DENND1A: variants seen among roughly 807,000 people sequenced by gnomAD.
DENND1A encodes the protein DENN domain-containing protein 1A.
A neutral mutation model predicts 113.7 loss-of-function variants in DENND1A; 51 were observed. That is an observed-to-expected ratio of 0.45 (90% CI 0.36 to 0.57). The LOEUF is 0.57. DENND1A is among the 20% of genes least tolerant of loss of function. The probability of loss-of-function intolerance (pLI) is 0.00; values close to 1 mark genes in which losing one functional copy is unlikely to be tolerated. For missense variants in DENND1A, 1,258 were observed against 1,395.9 expected (o/e 0.90, Z 1.57); for synonymous variants, 565 against 570.8 (o/e 0.99, Z 0.14).
chr9:123,553,253 A>AAAT (rs1375162785), intron 13 of DENND1A, among the ~76,000 whole-genome samples: 3 of 152,104 alleles, frequency 2.0e-5, no homozygotes, highest in Non-Finnish European at 4.4e-5. Flanking sequence ...CCCCGTCTCA[A>AAAT]AATAATAATA....
At chr9:123,797,346 C>T (rs1270086312) in intron 2 of DENND1A, among the ~76,000 whole-genome samples, 1 of 152,146 alleles carries the variant, frequency 6.6e-6, no homozygotes, top group Non-Finnish European at 1.5e-5. Context: ...TAACAGTCCA[C>T]TACACTGCTC....
intron 13 of DENND1A, among the ~76,000 whole-genome samples, chr9:123,529,250 TAATA>T (rs1192580341): frequency 6.6e-6 from 1 of 152,160 alleles, no homozygotes; most frequent in East Asian, 1.9e-4. Flanking sequence ...TTGAGACAAG[TAATA>T]GATACATTAA....
intron 10 of DENND1A, among the ~76,000 whole-genome samples, chr9:123,620,113 C>G (rs1242687766): frequency 1.4e-5 from 2 of 145,660 alleles, no homozygotes; most frequent in Non-Finnish European, 3.0e-5. Flanking sequence ...ACTTGGGAGG[C>G]TGAGGCAGAA....
chr9:123,458,087 G>A (rs1486373728), intron 13 of DENND1A, among the ~76,000 whole-genome samples, 190 bp from the exon 14 acceptor site: 2 of 145,890 alleles, frequency 1.4e-5, no homozygotes, highest in African/African-American at 5.1e-5. Context: ...TGCAACCTCT[G>A]CCTCCCGAGT....
chr9:123,784,926 A>T (rs573301566), intron 3 of DENND1A, among the ~76,000 whole-genome samples: 1 of 152,298 alleles, frequency 6.6e-6, no homozygotes, highest in South Asian at 2.1e-4. Flanking sequence ...AGTTTGGCTA[A>T]ATGTTTAAGG....
At chr9:123,501,835 C>T (rs1330560498) in intron 13 of DENND1A, among the ~76,000 whole-genome samples, 6 of 152,214 alleles carry the variant, frequency 3.9e-5, no homozygotes, top group South Asian at 2.1e-4. Context: ...ATCTTTCTCT[C>T]GTGCTAGATT....
At chr9:123,539,647 G>A (rs1454031583) in intron 13 of DENND1A, among the ~76,000 whole-genome samples, 7 of 151,996 alleles carry the variant, frequency 4.6e-5, no homozygotes, top group African/African-American at 1.7e-4. Flanking sequence ...ACTTTGGGAG[G>A]CCGAGGCAGG....
intron 2 of DENND1A, among the ~76,000 whole-genome samples, chr9:123,834,877 CT>C (rs1485118789): frequency 1.3e-5 from 2 of 152,200 alleles, no homozygotes; most frequent in African/African-American, 2.4e-5. Context: ...TCCTTCCATC[CT>C]TTTCGTTCCA....
At chr9:123,729,193 A>G (rs1300750708) in intron 5 of DENND1A, among the ~76,000 whole-genome samples, 1 of 152,218 alleles carries the variant, frequency 6.6e-6, no homozygotes, top group East Asian at 1.9e-4. Flanking sequence ...TCCCTTTGAA[A>G]ACCAGCACAA....
Position 123,590,222 on chromosome 9 carries a change from C to T in DENND1A, c.766-6952G>A, listed in dbSNP as rs942517187. ...GTTTATCTGCACAATTAGAATAACA[C>T]GTTGACTGTGACTTACTTAGGTAGG... On this transcript the variant is annotated intron_variant, in intron 11 of 23. Coordinates refer to ENST00000394215, the MANE Select transcript of DENND1A (RefSeq NM_001352964.2). Among the ~76,000 whole-genome samples, 11 of 152,170 alleles carry T rather than the reference C, an allele frequency of 7.2e-5. 1 individual carries two copies. Among genetic ancestry groups the T allele is most frequent in the South Asian group, 4.1e-4 (2 of 4,828 alleles).
intron 5 of DENND1A, among the ~76,000 whole-genome samples, chr9:123,711,894 T>C (rs1458029218): frequency 1.3e-5 from 2 of 152,204 alleles, no homozygotes; most frequent in Non-Finnish European, 2.9e-5. Context: ...TCCTCAAGTA[T>C]GAGACTCTCC....
chr9:123,390,200 T>C (rs561143160), intron 21 of DENND1A, among the ~76,000 whole-genome samples: 2 of 152,350 alleles, frequency 1.3e-5, no homozygotes, highest in East Asian at 1.9e-4. Context: ...GCCTGCCTTG[T>C]TCTTCTCTTT....
At chr9:123,472,401 C>T (rs563709218) in intron 13 of DENND1A, among the ~76,000 whole-genome samples, 1 of 152,224 alleles carries the variant, frequency 6.6e-6, no homozygotes, top group Admixed American at 6.5e-5. Flanking sequence ...CTGGCGGGCA[C>T]GTCATGGACA....
intron 13 of DENND1A, among the ~76,000 whole-genome samples, chr9:123,553,767 CT>C (rs147631242): frequency 2.0e-3 from 299 of 151,264 alleles, no homozygotes; most frequent in Middle Eastern, 0.01. Context: ...TACTTCAAAC[CT>C]TTTTTTTTAA....
intron 13 of DENND1A, among the ~76,000 whole-genome samples, chr9:123,525,691 G>A (rs1485644069): frequency 6.6e-5 from 10 of 151,260 alleles, no homozygotes; most frequent in African/African-American, 2.4e-4. Context: ...TCACAAATGG[G>A]TAAATCCCCC....
intron 13 of DENND1A, among the ~76,000 whole-genome samples, chr9:123,487,142 G>T (rs1337125458): frequency 6.6e-6 from 1 of 152,238 alleles, no homozygotes. Context: ...AAGCCAAACA[G>T]AGGTCACTGA....
chr9:123,742,385 CACTA>C (rs746292435), intron 5 of DENND1A, among the ~76,000 whole-genome samples: 15 of 152,312 alleles, frequency 9.8e-5, no homozygotes, highest in Non-Finnish European at 1.6e-4. Flanking sequence ...TCACAGGCCA[CACTA>C]ACTAACATTT....
chr9:123,679,487 G>A (rs1251056026), intron 5 of DENND1A, among the ~76,000 whole-genome samples: 2 of 152,152 alleles, frequency 1.3e-5, no homozygotes, highest in Non-Finnish European at 2.9e-5. Context: ...CAGTTACCCT[G>A]GAAATCAGCC....
At chr9:123,583,031 T>G (rs2058995588) in intron 12 of DENND1A, 138 bp downstream of exon 12, 1 of 616,500 alleles carries the variant, frequency 1.6e-6, no homozygotes, top group Non-Finnish European at 2.8e-6. Context: ...GACAAAGGTT[T>G]CAATGCAGAA....
Sources: allele counts gnomAD v4.1 joint callset (sites outside exome capture counted in the v4.1 genomes callset), GRCh38; gene constraint gnomAD v4.1.1; transcripts MANE v1.5; gene names NCBI Gene and HGNC (gene_info 2026-07-23, HGNC 2026-07-21).